Variants in METTL16 observed in about 807,000 individuals in gnomAD.
The protein encoded by METTL16 is methyltransferase 16, RNA N6-adenosine.
A neutral mutation model predicts 57.9 loss-of-function variants in METTL16; 19 were observed. That is an observed-to-expected ratio of 0.33 (90% CI 0.23 to 0.48). The LOEUF (loss-of-function observed/expected upper bound fraction) is 0.48. METTL16 is among the 20% of genes least tolerant of loss of function. The pLI is 0.99. For missense variants in METTL16, 434 were observed against 691.5 expected (o/e 0.63, Z 4.18); for synonymous variants, 246 against 255.6 (o/e 0.96, Z 0.36).
chr17:2,474,359 T>C (rs1400802929), intron 3 of METTL16, among the ~76,000 whole-genome samples: 1 of 136,478 alleles, frequency 7.3e-6, no homozygotes, highest in African/African-American at 2.8e-5. Flanking sequence ...CAAATGTCTG[T>C]AAGTTGTCAG....
At chr17:2,474,941 A>G (rs1389713270) in intron 3 of METTL16, among the ~76,000 whole-genome samples, 4 of 151,672 alleles carry the variant, frequency 2.6e-5, no homozygotes, top group Admixed American at 2.6e-4. Context: ...TACAATATTG[A>G]CTATCTTGGC....
At chr17:2,499,114 C>T (rs1367575328) in intron 2 of METTL16, among the ~76,000 whole-genome samples, 2 of 151,538 alleles carry the variant, frequency 1.3e-5, no homozygotes, top group South Asian at 4.1e-4. Context: ...GCACATCCCC[C>T]GGATTCTCCC....
At chr17:2,493,126 CTTCTTT>C (rs2067413430) in intron 2 of METTL16, among the ~76,000 whole-genome samples, 1 of 138,430 alleles carries the variant, frequency 7.2e-6, no homozygotes, top group African/African-American at 2.6e-5. Flanking sequence ...TTTGGTGATT[CTTCTTT>C]TTTTTTTTTT....
At chr17:2,492,795 G>A (rs1269202969) in intron 2 of METTL16, among the ~76,000 whole-genome samples, 1 of 150,434 alleles carries the variant, frequency 6.6e-6, no homozygotes, top group Non-Finnish European at 1.5e-5. Flanking sequence ...AACTCAGGAC[G>A]CTGAGGCAGG....
At chr17:2,494,350 G>T (rs1327586096) in intron 2 of METTL16, among the ~76,000 whole-genome samples, 1 of 152,096 alleles carries the variant, frequency 6.6e-6, no homozygotes, top group East Asian at 1.9e-4. Context: ...TGGGTACATG[G>T]TAGGTATATA....
chr17:2,477,940 CA>C (rs1567899388), intron 2 of METTL16, 55 bp from the exon 3 acceptor site: 6 of 1,488,358 alleles, frequency 4.0e-6, no homozygotes, highest in Admixed American at 1.7e-5. Context: ...CTATGTTGTA[CA>C]AGCTCTACGG....
rs186313673 is a variant in METTL16, at chr17:2,458,871, A to C, written c.728+5337T>G. 1.0e-3 allele frequency among the ~76,000 whole-genome samples: 154 copies of C among 151,876 alleles called. 1 individual carries two copies. The highest frequency in any genetic ancestry group is 3.5e-3 in the African/African-American group (145 of 41,374). ...ACTCAAGCTGGAGTGCAGTGGTACA[A>C]TCTCGGCTTACTGTAGCCTCGACCT... is the stretch of plus-strand genomic sequence containing the variant. On this transcript the variant is annotated intron_variant, in intron 6 of 9. Transcript: ENST00000263092.
At chr17:2,433,690 G>C (rs2066890411) in intron 8 of METTL16, among the ~76,000 whole-genome samples, 1 of 152,214 alleles carries the variant, frequency 6.6e-6, no homozygotes, top group Non-Finnish European at 1.5e-5. Context: ...TGTATGTGAA[G>C]TATTCAAACA....
intron 8 of METTL16, among the ~76,000 whole-genome samples, chr17:2,429,241 T>G (rs116468253): frequency 0.016 from 2,220 of 134,650 alleles, 47 homozygotes; most frequent in African/African-American, 0.053. Flanking sequence ...CCAGGCGGAG[T>G]GCAGTGGTAC....
At position 2,428,457 on chromosome 17, in the gene METTL16, G is replaced by C. The variant is rs1411905840; in HGVS notation, c.889-7553C>G. On this transcript the variant is annotated intron_variant, in intron 8 of 9. Transcript: ENST00000263092. ...TGAAAAATGTAGCCTCAACCCGGGAGGCAGAGCTTGCAGTGAGCTGAGATC... is the reference window on the plus strand; with the variant it reads ...TGAAAAATGTAGCCTCAACCCGGGACGCAGAGCTTGCAGTGAGCTGAGATC... 5.0e-5 allele frequency among the ~76,000 whole-genome samples: 7 copies of C among 139,322 alleles called. No homozygotes were observed. In the South Asian group the frequency reaches 1.7e-3, roughly 35 times the overall value. The allele number at this position is 139,322 out of a possible 152,430, so 91.4% of individuals were successfully genotyped here.
chr17:2,439,925 G>A (rs1490161500), intron 7 of METTL16, among the ~76,000 whole-genome samples: 1 of 152,082 alleles, frequency 6.6e-6, no homozygotes, highest in South Asian at 2.1e-4. Flanking sequence ...CATGGGTCAC[G>A]CCTGTAATCC....
chr17:2,441,491 C>A lies in METTL16; in HGVS notation c.797G>T (p.Gly266Val). Residue 266 changes from glycine to valine, a missense_variant and splice_region_variant, in exon 7 of 10, where the codon GGG (glycine) becomes GTG (valine). Around this residue, in one of 5 missense-constraint regions of METTL16, gnomAD observed 96 missense variants for 138.3 expected, o/e 0.69. Coordinates refer to ENST00000263092, the MANE Select transcript of METTL16 (RefSeq NM_024086.4). ...APLKEELRIQ[G>V]VPKVTYTEFC... ...AGAACAGTAATGAGGAAGCCTCACC[C>A]CTTGTATGCGAAGCTCCTCCTTCAG... is the stretch of plus-strand genomic sequence containing the variant. The A allele has an allele frequency of 1.3e-6, 2 of 1,593,176 alleles. No homozygotes were observed. The highest frequency in any genetic ancestry group is 2.3e-5 in the East Asian group (1 of 44,026).
chr17:2,454,763 C>CGAA (rs2067096928), intron 6 of METTL16, among the ~76,000 whole-genome samples: 1 of 151,288 alleles, frequency 6.6e-6, no homozygotes, highest in South Asian at 2.1e-4. Flanking sequence ...AGGGTTTCAT[C>CGAA]ATGTTGGCCA....
intron 8 of METTL16, among the ~76,000 whole-genome samples, chr17:2,428,513 G>A (rs113145317): frequency 2.8e-5 from 3 of 106,256 alleles, no homozygotes; most frequent in African/African-American, 1.1e-4. Context: ...AGGCGACAGA[G>A]CGAGACTCCG....
chr17:2,453,502 G>A (rs1212091162), intron 6 of METTL16, among the ~76,000 whole-genome samples: 3 of 152,120 alleles, frequency 2.0e-5, no homozygotes, highest in Non-Finnish European at 4.4e-5. Context: ...GCACGGAGGC[G>A]CTGCTTGTCC....
At chr17:2,429,296 C>G (rs1237765279) in intron 8 of METTL16, among the ~76,000 whole-genome samples, 2 of 147,192 alleles carry the variant, frequency 1.4e-5, no homozygotes. Flanking sequence ...TCAAGCGATT[C>G]TCCTGCCTCA....
At position 2,477,893 on chromosome 17, in the gene METTL16, A is replaced by G. The variant is rs1378355845; in HGVS notation, c.129-8T>C. 1 of 1,610,904 alleles carries G rather than the reference A, an allele frequency of 6.2e-7. No homozygotes were observed. Among genetic ancestry groups the G allele is most frequent in the African/African-American group, 1.3e-5 (1 of 74,740 alleles). On this transcript the variant is annotated splice_polypyrimidine_tract_variant and splice_region_variant and intron_variant, in intron 2 of 9. Coordinates refer to ENST00000263092, the MANE Select transcript of METTL16 (RefSeq NM_024086.4). ...GGGTCTTTAAAATTAAGGCTGAGGA[A>G]TAAAGAAAAGGAAGTAAAACTGATT...
chr17:2,498,600 G>A (rs1457647390), intron 2 of METTL16, among the ~76,000 whole-genome samples: 4 of 150,824 alleles, frequency 2.7e-5, no homozygotes, highest in African/African-American at 7.4e-5. Flanking sequence ...TTAGATGGCC[G>A]TGGTGGTGCG....
chr17:2,460,348 C>T (rs1019638043), intron 6 of METTL16: 3 of 152,154 alleles, frequency 2.0e-5, no homozygotes, highest in Admixed American at 6.5e-5. Context: ...AGCAAATTTA[C>T]ACCCTTCATT....
Sources: gnomAD v4.1 joint callset for allele counts (sites outside exome capture counted in the v4.1 genomes callset) on GRCh38, gnomAD v4.1.1 for gene constraint, gnomAD v4.1.1 regional missense constraint, MANE v1.5 for transcripts, NCBI Gene and HGNC (gene_info 2026-07-23, HGNC 2026-07-21) for gene names.